Variants in HECW1 observed in about 807,000 individuals in gnomAD.
The protein encoded by HECW1 is HECT, C2 and WW domain containing E3 ubiquitin protein ligase 1, also known as E3 ubiquitin-protein ligase HECW1.
In HECW1, 61 loss-of-function variants were observed where a neutral mutation model predicts 182.3. The observed-to-expected ratio is 0.33, with a 90% confidence interval of 0.27 to 0.41. The LOEUF (loss-of-function observed/expected upper bound fraction) is 0.41, where lower values mean the gene tolerates loss of function less well. Ranked by LOEUF, HECW1 falls within the 10% of genes least tolerant of loss-of-function variation. The pLI is 1.00. For missense variants in HECW1, 1,739 were observed against 2,108.9 expected (o/e 0.82, Z 3.44); for synonymous variants, 859 against 832.6 (o/e 1.03, Z -0.55).
chr7:43,431,294 T>C (rs1217576517), intron 8 of HECW1, among the ~76,000 whole-genome samples: 1 of 152,172 alleles, frequency 6.6e-6, no homozygotes, highest in African/African-American at 2.4e-5. Context: ...CAGGCCTCTA[T>C]TTCCATCATT....
At position 43,140,817 on chromosome 7, in the gene HECW1, G is replaced by A. The variant is rs958587268; in HGVS notation, c.-32+26426G>A. On this transcript the variant is annotated intron_variant, in intron 2 of 29. Transcript: ENST00000395891. Reference sequence around the variant, plus strand: ...TGAGGTCAAGGTTCCCACTGAGTCCGTTCCTGGTGAGGGCTTGCTTTCTGG... The same window carrying A: ...TGAGGTCAAGGTTCCCACTGAGTCCATTCCTGGTGAGGGCTTGCTTTCTGG... Among the ~76,000 whole-genome samples, 7 of 152,266 alleles carry A rather than the reference G, an allele frequency of 4.6e-5. No homozygotes were observed. The Middle Eastern group carries it at 0.01, about 222-fold the overall frequency.
rs570381874 is a variant in HECW1, at chr7:43,463,700, G to C, written c.2692G>C (p.Glu898Gln). The change falls in exon 14 of 30, where the codon GAA (glutamate) becomes CAA (glutamine). Residue 898 changes from glutamate (E) to glutamine (Q), a missense_variant. By Grantham distance (29) the Glu-to-Gln change is conservative. Around this residue, in one of 5 missense-constraint regions of HECW1, gnomAD observed 971 missense variants for 1,029.1 expected, o/e 0.94. Transcript: ENST00000395891. ...GCGAACCATTGCAACAGAGAGGTCC[G>C]AAGAAGATTCTGGCAGCCAAAGCTG... ...IQRTIATERS[E>Q]EDSGSQSCEQ... 5 of 1,613,874 alleles carry C rather than the reference G, an allele frequency of 3.1e-6. No individual in the cohort carries two copies. The South Asian group carries it at 4.4e-5, about 14-fold the overall frequency.
At chr7:43,194,934 T>A (rs967286600) in intron 2 of HECW1, among the ~76,000 whole-genome samples, 5 of 152,114 alleles carry the variant, frequency 3.3e-5, no homozygotes, top group Non-Finnish European at 7.4e-5. Flanking sequence ...CCTCAGGTAA[T>A]CCGCCCTTCT....
At chr7:43,135,724 T>A (rs1787452587) in intron 2 of HECW1, among the ~76,000 whole-genome samples, 1 of 152,234 alleles carries the variant, frequency 6.6e-6, no homozygotes. Context: ...TACCTCTGAT[T>A]TGAATTTTCA....
chr7:43,205,510 T>A (rs1795387426), intron 2 of HECW1, among the ~76,000 whole-genome samples: 1 of 152,160 alleles, frequency 6.6e-6, no homozygotes, highest in Non-Finnish European at 1.5e-5. Context: ...GTGCTGCAAG[T>A]CGTAGTTCTT....
At chr7:43,493,270 C>T in intron 19 of HECW1, 90 bp downstream of exon 19, 1 of 764,330 alleles carries the variant, frequency 1.3e-6, no homozygotes, top group Non-Finnish European at 2.2e-6. Flanking sequence ...AGAGCGGAAG[C>T]TTATTATACA....
intron 3 of HECW1, among the ~76,000 whole-genome samples, chr7:43,308,379 T>TTC: frequency 6.5e-5 from 9 of 138,826 alleles, no homozygotes; most frequent in African/African-American, 2.4e-4. Context: ...TATAATATAT[T>TTC]TATATATATA....
chr7:43,164,398 G>C (rs1456465796), intron 2 of HECW1, among the ~76,000 whole-genome samples: 2 of 152,200 alleles, frequency 1.3e-5, no homozygotes, highest in African/African-American at 2.4e-5. Context: ...TTGAGTTGAA[G>C]GTGCCAGTGG....
intron 6 of HECW1, among the ~76,000 whole-genome samples, chr7:43,379,257 A>G (rs1584699082): frequency 6.6e-6 from 1 of 152,098 alleles, no homozygotes; most frequent in African/African-American, 2.4e-5. Context: ...GCTGCTTTAC[A>G]CTTCCATTTT....
intron 7 of HECW1, among the ~76,000 whole-genome samples, chr7:43,404,870 G>A (rs1259594092): frequency 6.6e-6 from 1 of 152,170 alleles, no homozygotes; most frequent in Non-Finnish European, 1.5e-5. Context: ...CAGCTACTCG[G>A]TAGGTTGAGG....
intron 9 of HECW1, chr7:43,439,709 A>C (rs2076822630): frequency 6.6e-6 from 1 of 152,400 alleles, no homozygotes; most frequent in Non-Finnish European, 1.5e-5. Context: ...TCCTAAGTCC[A>C]AGCTGCCGGC....
At chr7:43,473,206 C>G (rs2078089725) in intron 16 of HECW1, among the ~76,000 whole-genome samples, 2 of 152,220 alleles carry the variant, frequency 1.3e-5, no homozygotes, top group Admixed American at 6.5e-5. Context: ...TGCACATGCT[C>G]CCCTTCACCC....
intron 6 of HECW1, 46 bp downstream of exon 6, chr7:43,361,026 T>C (rs748245323): frequency 7.4e-7 from 1 of 1,344,522 alleles, no homozygotes; most frequent in East Asian, 2.3e-5. Flanking sequence ...CTCTGGTCTT[T>C]CTTCACTTTC....
At chr7:43,481,950 G>A (rs1019850063) in intron 17 of HECW1, among the ~76,000 whole-genome samples, 2 of 144,672 alleles carry the variant, frequency 1.4e-5, no homozygotes, top group Non-Finnish European at 3.0e-5. Context: ...ACTCCAGCCT[G>A]AGCGACACAG....
At chr7:43,172,928 T>G (rs1333262706) in intron 2 of HECW1, among the ~76,000 whole-genome samples, 2 of 152,238 alleles carry the variant, frequency 1.3e-5, no homozygotes, top group African/African-American at 4.8e-5. Flanking sequence ...CACATTCGTT[T>G]GCCTTTGTCT....
intron 5 of HECW1, among the ~76,000 whole-genome samples, chr7:43,329,938 G>A (rs1811258007): frequency 6.6e-6 from 1 of 152,160 alleles, no homozygotes; most frequent in African/African-American, 2.4e-5. Flanking sequence ...AGCATGCCAT[G>A]TTATTCTGAT....
chr7:43,554,796 G>A lies in HECW1; in HGVS notation c.4709+6G>A. ...AAAATTACTTCTCTCCCCAGGTACAGAGCTCCTGCCAGCCTTCGGGGAAAC... is the reference window on the plus strand; with the variant it reads ...AAAATTACTTCTCTCCCCAGGTACAAAGCTCCTGCCAGCCTTCGGGGAAAC... On this transcript the variant is annotated splice_donor_region_variant and intron_variant, in intron 29 of 29. Coordinates refer to ENST00000395891, the MANE Select transcript of HECW1 (RefSeq NM_015052.5). The A allele has an allele frequency of 6.2e-7, 1 of 1,611,654 alleles. No individual in the cohort carries two copies. Among genetic ancestry groups the A allele is most frequent in the Non-Finnish European group, 8.5e-7 (1 of 1,178,778 alleles).
At chr7:43,265,675 C>A (rs1009865562) in intron 3 of HECW1, among the ~76,000 whole-genome samples, 2 of 152,162 alleles carry the variant, frequency 1.3e-5, no homozygotes, top group Non-Finnish European at 2.9e-5. Context: ...CAATTCAAAT[C>A]AATTCTGGCA....
At chr7:43,360,848 A>T (rs915147710) in intron 5 of HECW1, 38 bp from the exon 6 acceptor site, 2 of 1,477,260 alleles carry the variant, frequency 1.4e-6, no homozygotes, top group African/African-American at 2.8e-5. Flanking sequence ...CCTGGGTTAC[A>T]CCCTACTTCT....
Sources: allele counts gnomAD v4.1 joint callset (sites outside exome capture counted in the v4.1 genomes callset), GRCh38; gene constraint gnomAD v4.1.1; regional missense constraint gnomAD v4.1.1; transcripts MANE v1.5; gene names NCBI Gene and HGNC (gene_info 2026-07-23, HGNC 2026-07-21).